The following SLC14A2 variants were observed in gnomAD, a reference collection of about 807,000 sequenced individuals.
The protein encoded by SLC14A2 is urea transporter 2.
Under a neutral mutation model 104.6 loss-of-function variants are expected in SLC14A2, and 91 were observed. The observed-to-expected ratio is 0.87, with a 90% CI of 0.73 to 1.04. The LOEUF is 1.04. Ranked by LOEUF, SLC14A2 falls within the 50% of genes least tolerant of loss-of-function variation. SLC14A2 has a pLI of 0.00. For synonymous variants in SLC14A2, 476 were observed against 466.4 expected, an observed-to-expected ratio of 1.02 and a Z score of -0.27; for missense variants, 1,189 against 1,156.0, an observed-to-expected ratio of 1.03 and a Z score of -0.41.
At chr18:45,318,586 G>A (rs990210331) in intron 1 of SLC14A2, among the ~76,000 whole-genome samples, 3 of 152,068 alleles carry the variant, frequency 2.0e-5, no homozygotes, top group African/African-American at 4.8e-5. Flanking sequence ...TCAGGAGTTC[G>A]AGACCAGCCT....
At chr18:45,551,042 G>A (rs138539258) in intron 2 of SLC14A2, among the ~76,000 whole-genome samples, 1 of 152,114 alleles carries the variant, frequency 6.6e-6, no homozygotes, top group Admixed American at 6.5e-5. Flanking sequence ...AAAGATAGAT[G>A]TCCCTAGAGT....
At chr18:45,512,591 G>C (rs1450896415) in intron 2 of SLC14A2, among the ~76,000 whole-genome samples, 1 of 152,182 alleles carries the variant, frequency 6.6e-6, no homozygotes, top group Non-Finnish European at 1.5e-5. Context: ...CTCCTGCACT[G>C]CTGCTCATTA....
chr18:45,424,108 A>G (rs538644423), intron 1 of SLC14A2: 2 of 152,362 alleles, frequency 1.3e-5, no homozygotes, highest in Admixed American at 1.3e-4. Context: ...GACGTCACGT[A>G]ACAGCATCAC....
intron 2 of SLC14A2, among the ~76,000 whole-genome samples, chr18:45,488,143 A>G (rs1040981414): frequency 2.0e-5 from 3 of 152,272 alleles, no homozygotes; most frequent in African/African-American, 4.8e-5. Flanking sequence ...AGGAGAAATG[A>G]GGTATGGCCT....
intron 19 of SLC14A2, among the ~76,000 whole-genome samples, chr18:45,680,404 G>C (rs760897080): frequency 6.6e-6 from 1 of 152,172 alleles, no homozygotes; most frequent in Non-Finnish European, 1.5e-5. Context: ...TTTGCCTACT[G>C]TGTTTAAGAC....
chr18:45,405,723 C>T (rs1488098643), intron 1 of SLC14A2, among the ~76,000 whole-genome samples: 2 of 151,828 alleles, frequency 1.3e-5, no homozygotes, highest in Non-Finnish European at 2.9e-5. Flanking sequence ...ATGGTGAAAC[C>T]CTGTCTCTAG....
At chr18:45,592,053 T>A (rs954826258) in intron 2 of SLC14A2, among the ~76,000 whole-genome samples, 1 of 152,138 alleles carries the variant, frequency 6.6e-6, no homozygotes. Flanking sequence ...AGGGCAGTAA[T>A]ATATATACAG....
At chr18:45,656,781 A>G (rs1474023589) in intron 10 of SLC14A2, among the ~76,000 whole-genome samples, 1 of 152,244 alleles carries the variant, frequency 6.6e-6, no homozygotes, top group Middle Eastern at 3.2e-3. Context: ...TCCCCATGGA[A>G]TAAGCCAAAG....
rs542882548 is a variant in SLC14A2, at chr18:45,240,179, C to T, written c.-125+26988C>T. Among the ~76,000 whole-genome samples, 12 of 148,706 alleles carry T rather than the reference C, an allele frequency of 8.1e-5. No individual in the cohort carries two copies. The East Asian group carries it at 2.0e-3, about 25-fold the overall frequency. ...TGGTGCAATCTCGGCTCACTGCAAC[C>T]TCTGCCTCCTGGGTTCAAGCGATTC... On this transcript the variant is annotated intron_variant, in intron 1 of 20. Transcript: ENST00000586448.
chr18:45,625,031 C>T (rs886839428), intron 2 of SLC14A2, among the ~76,000 whole-genome samples: 1 of 152,208 alleles, frequency 6.6e-6, no homozygotes, highest in Non-Finnish European at 1.5e-5. Context: ...TACAGACACT[C>T]ACTCACCAGT....
chr18:45,669,847 G>T (rs945078780), intron 16 of SLC14A2, among the ~76,000 whole-genome samples: 5 of 152,208 alleles, frequency 3.3e-5, no homozygotes, highest in African/African-American at 9.6e-5. Flanking sequence ...TCTTTTTGAG[G>T]CTTACAGCTT....
chr18:45,537,053 C>T (rs925505994), intron 2 of SLC14A2, among the ~76,000 whole-genome samples: 2 of 115,162 alleles, frequency 1.7e-5, no homozygotes, highest in African/African-American at 3.5e-5. Context: ...CTCCCTCCCT[C>T]CCTCCCTCCC....
intron 1 of SLC14A2, among the ~76,000 whole-genome samples, chr18:45,319,207 C>T (rs2085161098): frequency 6.6e-6 from 1 of 152,206 alleles, no homozygotes; most frequent in South Asian, 2.1e-4. Flanking sequence ...AGCTCGAAGA[C>T]AGCCTCCTTG....
chr18:45,239,164 C>A (rs1339465131), intron 1 of SLC14A2, among the ~76,000 whole-genome samples: 1 of 152,162 alleles, frequency 6.6e-6, no homozygotes, highest in African/African-American at 2.4e-5. Context: ...GGCGGCTCCT[C>A]CCAGATCCAC....
intron 1 of SLC14A2, among the ~76,000 whole-genome samples, chr18:45,364,151 C>T (rs1476458820): frequency 2.6e-5 from 4 of 152,166 alleles, no homozygotes; most frequent in African/African-American, 9.7e-5. Context: ...ACTCGTCAGC[C>T]CTTGCCTCCT....
At chr18:45,475,803 G>A (rs190733135) in intron 1 of SLC14A2, among the ~76,000 whole-genome samples, 2,138 of 150,360 alleles carry the variant, frequency 0.014, 50 homozygotes, top group African/African-American at 0.049. Context: ...GGATTGCAAC[G>A]CCTGCTTTTT....
intron 1 of SLC14A2, among the ~76,000 whole-genome samples, chr18:45,344,667 A>G (rs1243554570): frequency 2.0e-5 from 3 of 152,142 alleles, no homozygotes; most frequent in African/African-American, 7.2e-5. Flanking sequence ...TAAATCTCCT[A>G]ATAGGGTCTT....
At chr18:45,434,907 A>G (rs1159098096) in intron 1 of SLC14A2, among the ~76,000 whole-genome samples, 2 of 152,224 alleles carry the variant, frequency 1.3e-5, no homozygotes, top group Non-Finnish European at 2.9e-5. Context: ...ATACATAACC[A>G]TGGAAGGCTG....
At chr18:45,447,359 G>A (rs2086787762) in intron 1 of SLC14A2, 1 of 152,250 alleles carries the variant, frequency 6.6e-6, no homozygotes, top group African/African-American at 2.4e-5. Context: ...AAGTGAAGAT[G>A]TGAAGCCAGA....
Sources: allele counts gnomAD v4.1 joint callset (sites outside exome capture counted in the v4.1 genomes callset), GRCh38; gene constraint gnomAD v4.1.1; transcripts MANE v1.5; gene names NCBI Gene and HGNC (gene_info 2026-07-23, HGNC 2026-07-21).